PDCD7: variants seen among roughly 807,000 people sequenced by gnomAD.
The protein encoded by PDCD7 is programmed cell death protein 7.
PDCD7 carries 40 observed loss-of-function variants against 42.1 expected under a neutral mutation model. The observed-to-expected ratio is 0.95, with a 90% CI of 0.74 to 1.24. The LOEUF (loss-of-function observed/expected upper bound fraction) is 1.24. PDCD7 is among the 50% of genes most tolerant of loss of function. PDCD7 has a pLI of 0.00. For missense variants in PDCD7, 644 were observed against 662.8 expected (o/e 0.97, Z 0.31); for synonymous variants, 299 against 303.3 (o/e 0.99, Z 0.15).
intron 1 of PDCD7, among the ~76,000 whole-genome samples, chr15:65,132,688 T>C (rs767778031): frequency 5.9e-5 from 9 of 152,238 alleles, no homozygotes; most frequent in Non-Finnish European, 1.2e-4. Flanking sequence ...CGTGTAATCC[T>C]ATACTTTGTG....
At chr15:65,127,125 G>C (rs1021070572) in intron 2 of PDCD7, among the ~76,000 whole-genome samples, 2 of 151,976 alleles carry the variant, frequency 1.3e-5, no homozygotes, top group Non-Finnish European at 1.5e-5. Context: ...AACTTTCTCT[G>C]CTCTACTGGC....
intron 3 of PDCD7, 41 bp downstream of exon 3, chr15:65,119,677 C>T (rs200442729): frequency 7.6e-6 from 12 of 1,576,410 alleles, no homozygotes; most frequent in Non-Finnish European, 9.5e-6. Context: ...GAGCGTCAAT[C>T]TAGTATTTTC....
chr15:65,120,083 C>T (rs1396518706), intron 2 of PDCD7, 129 bp from the exon 3 acceptor site: 1 of 940,416 alleles, frequency 1.1e-6, no homozygotes, highest in Admixed American at 2.5e-5. Context: ...TGGGCTCAAC[C>T]CATCCTCCCA....
chr15:65,123,411 C>T (rs1194712657), intron 2 of PDCD7, among the ~76,000 whole-genome samples: 2 of 152,208 alleles, frequency 1.3e-5, no homozygotes, highest in Non-Finnish European at 2.9e-5. Context: ...TAATCTTGAT[C>T]TCCTGACCTC....
In PDCD7 at chr15:65,133,406, G is replaced by GCGC. The variant is rs566766250; in HGVS notation, c.373_375dup (p.Ala125dup). On this transcript the variant is annotated inframe_insertion, in exon 1 of 5. Transcript: ENST00000204549. ...CCGAGCACGTCGGCCGGCGGCGGCGGCGCCTCAGGCCACCGCGGGCTCCAG... is the reference window on the plus strand; with the variant it reads ...CCGAGCACGTCGGCCGGCGGCGGCGGCGCCGCCTCAGGCCACCGCGGGCTCCAG... 10,686 of 1,183,956 alleles carry GCGC rather than the reference G, an allele frequency of 9.0e-3. 343 individuals are homozygous for GCGC. In the Admixed American group the frequency reaches 0.15, roughly 16 times the overall value. The allele number at this position is 1,183,956 out of a possible 1,614,324, so 73.3% of individuals were successfully genotyped here.
chr15:65,126,414 T>C (rs183338797), intron 2 of PDCD7, among the ~76,000 whole-genome samples: 2 of 152,244 alleles, frequency 1.3e-5, no homozygotes, highest in East Asian at 1.9e-4. Context: ...CCAACTGAAC[T>C]TGTCAACCCT....
At position 65,133,537 on chromosome 15, in the gene PDCD7, G is replaced by A; in HGVS notation, c.245C>T (p.Pro82Leu). 2 of 1,228,608 alleles carry A rather than the reference G, an allele frequency of 1.6e-6. No individual in the cohort carries two copies. Among genetic ancestry groups the A allele is most frequent in the Non-Finnish European group, 2.0e-6 (2 of 985,974 alleles). 76.1% of individuals were successfully genotyped at this position (1,228,608 alleles called of 1,614,324 possible). The change falls in exon 1 of 5, where the codon CCG becomes CTG. Residue 82 changes from proline to leucine, a missense_variant. Coordinates refer to ENST00000204549, the MANE Select transcript of PDCD7 (RefSeq NM_005707.2). The stretch of plus-strand genomic sequence containing the variant: ...AGGAGGCAGCGGCGGTGGTGGCACC[G>A]GGTAGAAGGCGCCAGCGCCGCCTCC... ...RGGGGAGAFYPVPPPPLPPPP... is the reference protein window; with the variant it reads ...RGGGGAGAFYLVPPPPLPPPP...
At chr15:65,131,759 AAG>A (rs1364364301) in intron 1 of PDCD7, among the ~76,000 whole-genome samples, 2 of 152,056 alleles carry the variant, frequency 1.3e-5, no homozygotes, top group East Asian at 3.9e-4. Flanking sequence ...CAAAAAAAGA[AAG>A]AAAGAAAATG....
In PDCD7 at chr15:65,119,770, C is replaced by A. The variant is rs951869203; in HGVS notation, c.1194G>T (p.Glu398Asp). The A allele has an allele frequency of 2.5e-6, 4 of 1,612,286 alleles. No homozygotes were observed. The African/African-American group carries it at 5.4e-5, about 22-fold the overall frequency. ...TTTCACGTTTCTGAAGTAAAATTTT[C>A]TCTTTTTCTTTTCTTTGTTTCTTTT... ...ELEKKQRKEKEKILLQKREIE... is the reference protein window; with the variant it reads ...ELEKKQRKEKDKILLQKREIE... Residue 398 changes from glutamate (E) to aspartate (D), a missense_variant, in exon 3 of 5, where the codon GAG becomes GAT. By Grantham distance (45) the Glu-to-Asp change is conservative. Coordinates refer to ENST00000204549, the MANE Select transcript of PDCD7 (RefSeq NM_005707.2).
Position 65,119,451 on chromosome 15 carries a change from A to C in PDCD7, c.1259T>G (p.Leu420Arg). Reference protein sequence around the residue: ...KLFGDPDEFPLAHLLEPFRQY... With the variant: ...KLFGDPDEFPRAHLLEPFRQY... ...TCGGAAAGGCTCCAAGAGGTGAGCA[A>C]GTGGGAACTCATCTGAAAGAGAAAA... The change falls in exon 4 of 5, where the codon CTT becomes CGT. Residue 420 changes from leucine to arginine, a missense_variant. Leu to Arg is a moderately radical substitution (Grantham distance 102). Coordinates refer to ENST00000204549, the MANE Select transcript of PDCD7 (RefSeq NM_005707.2). The C allele has an allele frequency of 6.2e-7, 1 of 1,612,788 alleles. No individual in the cohort carries two copies. The highest frequency in any genetic ancestry group is 8.5e-7 in the Non-Finnish European group (1 of 1,178,812).
At position 65,133,176 on chromosome 15, in the gene PDCD7, G is replaced by C; in HGVS notation, c.606C>G (p.Gly202=). 4.8e-6 allele frequency: 7 copies of C among 1,456,132 alleles called. No homozygotes were observed. The highest frequency in any genetic ancestry group is 6.3e-6 in the Non-Finnish European group (7 of 1,115,102). 90.2% of individuals were successfully genotyped at this position (1,456,132 alleles called of 1,614,324 possible). A position where few individuals can be genotyped will look rare whatever the true frequency, so the allele number is the denominator to read the frequency against. ...GGGAGTACAGCAGGACCCAGGCCGC[G>C]CCGTCGGCTTCGGCCTCGCGCAGGG... The part of the protein sequence containing the change: ...SQALREAEAD[G]AAWVLLYSQT... The change falls in exon 1 of 5, where the codon GGC becomes GGG. Residue 202 remains glycine (G), a synonymous_variant. Coordinates refer to ENST00000204549, the MANE Select transcript of PDCD7 (RefSeq NM_005707.2).
rs765698937 is a variant in PDCD7, at chr15:65,119,439, A to G, written c.1271T>C (p.Leu424Ser). The G allele has an allele frequency of 1.2e-6, 2 of 1,613,732 alleles. No homozygotes were observed. The highest frequency in any genetic ancestry group is 1.7e-6 in the Non-Finnish European group (2 of 1,179,752). ...GAGATAATACTGTCGGAAAGGCTCC[A>G]AGAGGTGAGCAAGTGGGAACTCATC... ...DPDEFPLAHLLEPFRQYYLQA... is the reference protein window; with the variant it reads ...DPDEFPLAHLSEPFRQYYLQA... Residue 424 changes from leucine to serine, a missense_variant, in exon 4 of 5, where the codon TTG (leucine) becomes TCG (serine). Leu to Ser is a moderately radical substitution (Grantham distance 145, BLOSUM62 -2). Coordinates refer to ENST00000204549, the MANE Select transcript of PDCD7 (RefSeq NM_005707.2).
intron 2 of PDCD7, among the ~76,000 whole-genome samples, chr15:65,123,412 TCCTGA>T: frequency 6.6e-6 from 1 of 152,186 alleles, no homozygotes; most frequent in Non-Finnish European, 1.5e-5. Flanking sequence ...AATCTTGATC[TCCTGA>T]CCTCATGATC....
intron 2 of PDCD7, among the ~76,000 whole-genome samples, chr15:65,121,737 G>A (rs543935264): frequency 1.1e-3 from 170 of 152,284 alleles, no homozygotes; most frequent in African/African-American, 3.9e-3. Flanking sequence ...AAATAGTCAG[G>A]TTATTAGGTG....
In PDCD7 at chr15:65,118,771, G is replaced by A; in HGVS notation, c.1404C>T (p.Val468=). Residue 468 remains valine, a synonymous_variant, in exon 5 of 5, where the codon GTC becomes GTT. Coordinates refer to ENST00000204549, the MANE Select transcript of PDCD7 (RefSeq NM_005707.2). The stretch of plus-strand genomic sequence containing the variant: ...TGTCGTTGCTGGGGAGCGGGGGAAG[G>A]ACCCATCCTTGGGGAACGAAGTTGC... ...PKGNFVPQGW[V]LPPLPSNDIW... The A allele has an allele frequency of 6.2e-7, 1 of 1,611,022 alleles. No homozygotes were observed. Among genetic ancestry groups the A allele is most frequent in the Non-Finnish European group, 8.5e-7 (1 of 1,178,810 alleles).
In PDCD7 at chr15:65,133,054, C is replaced by CG. The variant is rs757534391; in HGVS notation, c.727dup (p.Arg243ProfsTer33). The CG allele has an allele frequency of 6.3e-7, 1 of 1,588,302 alleles. No individual in the cohort carries two copies. The highest frequency in any genetic ancestry group is 1.1e-5 in the South Asian group (1 of 89,690). On this transcript the variant is annotated frameshift_variant, in exon 1 of 5. Coordinates refer to ENST00000204549, the MANE Select transcript of PDCD7 (RefSeq NM_005707.2). LOFTEE classifies it high-confidence loss of function. The stretch of plus-strand genomic sequence containing the variant: ...CTCGCGAAGCCGCAGCCGGCGGCGC[C>CG]GGACCCTCTCCAGCCTCCTCCGCGC...
At chr15:65,123,954 T>C (rs1348805532) in intron 2 of PDCD7, among the ~76,000 whole-genome samples, 1 of 152,218 alleles carries the variant, frequency 6.6e-6, no homozygotes, top group South Asian at 2.1e-4. Context: ...CCATACAGTC[T>C]CTGTTGCAAC....
intron 3 of PDCD7, 98 bp downstream of exon 3, chr15:65,119,620 C>A: frequency 7.5e-7 from 1 of 1,338,022 alleles, no homozygotes; most frequent in South Asian, 1.3e-5. Context: ...TGGAAGGTGT[C>A]ATTTGTTGCC....
Position 65,118,685 on chromosome 15 carries a change from G to A in PDCD7, c.*32C>T, listed in dbSNP as rs765985080. ...GCTAATATTTACAGCTGGAAAGAGC[G>A]CTGGCTGGACCACACTCCTGGAGCA... is the stretch of plus-strand genomic sequence containing the variant. On this transcript the variant is annotated 3_prime_UTR_variant, in exon 5 of 5. Transcript: ENST00000204549. 16 of 1,561,684 alleles carry A rather than the reference G, an allele frequency of 1.0e-5. No homozygotes were observed. The South Asian group carries it at 1.2e-4, about 12-fold the overall frequency.
Sources: allele counts gnomAD v4.1 joint callset (sites outside exome capture counted in the v4.1 genomes callset), GRCh38; gene constraint gnomAD v4.1.1; transcripts MANE v1.5; gene names NCBI Gene and HGNC (gene_info 2026-07-23, HGNC 2026-07-21).